Variants in KMT5C observed in about 807,000 individuals in gnomAD.
KMT5C encodes the protein histone-lysine N-methyltransferase KMT5C.
Under a neutral mutation model 38.2 loss-of-function variants are expected in KMT5C, and 16 were observed. The ratio of observed to expected loss-of-function variants is 0.42; its 90% CI spans 0.28 to 0.64. The LOEUF (loss-of-function observed/expected upper bound fraction) is 0.64, where lower values mean the gene tolerates loss of function less well. Ranked by LOEUF, KMT5C falls within the 30% of genes least tolerant of loss-of-function variation. KMT5C has a pLI of 0.23. For synonymous variants in KMT5C, 291 were observed against 279.0 expected (o/e 1.04, Z -0.43); for missense variants, 598 against 665.1 (o/e 0.90, Z 1.11).
At position 55,342,865 on chromosome 19, in the gene KMT5C, A is replaced by AGTCCTGCC; in HGVS notation, c.386+14_386+15insGTCCTGCC. 1 of 1,448,818 alleles carries AGTCCTGCC rather than the reference A, an allele frequency of 6.9e-7. No individual in the cohort carries two copies. Among genetic ancestry groups the AGTCCTGCC allele is most frequent in the South Asian group, 1.1e-5 (1 of 87,834 alleles). The allele number at this position is 1,448,818 out of a possible 1,614,324, so 89.7% of individuals were successfully genotyped here. A position where few individuals can be genotyped will look rare whatever the true frequency, so the allele number is the denominator to read the frequency against. On this transcript the variant is annotated intron_variant, in intron 4 of 8. Coordinates refer to ENST00000255613, the MANE Select transcript of KMT5C (RefSeq NM_032701.4). ...CACTCGTGCTTGGTAAGAGGGCAGG[A>AGTCCTGCC]CTCCCTGCAGGTATCCTTGGAGGAG...
At chr19:55,344,260 G>A (rs2089592214) in intron 6 of KMT5C, 1 of 353,100 alleles carries the variant, frequency 2.8e-6, no homozygotes, top group Middle Eastern at 9.0e-4. Flanking sequence ...TACTTGGGAG[G>A]CTGAGGCAGG....
At chr19:55,341,686 GA>G (rs2089558903) in intron 1 of KMT5C, 107 bp from the exon 2 acceptor site, 1 of 549,266 alleles carries the variant, frequency 1.8e-6, no homozygotes, top group Non-Finnish European at 3.3e-6. Flanking sequence ...GAGCTAAGGC[GA>G]TGGCTGACAT....
Position 55,347,334 on chromosome 19 carries a change from C to T in KMT5C, c.1274C>T (p.Pro425Leu). 6.3e-7 allele frequency: 1 copy of T among 1,576,150 alleles called. No homozygotes were observed. The highest frequency in any genetic ancestry group is 8.6e-7 in the Non-Finnish European group (1 of 1,164,728). Residue 425 changes from proline (P) to leucine (L), a missense_variant, in exon 9 of 9, where the codon CCC becomes CTC. Coordinates refer to ENST00000255613, the MANE Select transcript of KMT5C (RefSeq NM_032701.4). The surrounding 1 kb of genome is among the most constrained non-coding windows in gnomAD (Gnocchi z 4.6). ...CCAGCCCCTGCTGGGACCCCAGGCC[C>T]CATCCTGATCCCGAAGCAGGCCCTC... Reference protein sequence around the residue: ...ATPAPAGTPGPILIPKQALAF... With the variant: ...ATPAPAGTPGLILIPKQALAF...
At chr19:55,340,409 CCTT>C (rs1187586043) in intron 1 of KMT5C, among the ~76,000 whole-genome samples, 1 of 152,060 alleles carries the variant, frequency 6.6e-6, no homozygotes, top group East Asian at 1.9e-4. Context: ...CTCCAGGCCT[CCTT>C]CTGGACCCTC....
intron 6 of KMT5C, chr19:55,344,475 G>A (rs1364812582): frequency 2.8e-6 from 1 of 354,712 alleles, no homozygotes; most frequent in Non-Finnish European, 5.6e-6. Context: ...AGGAGGAAGG[G>A]GTTCCAGTTT....
At chr19:55,342,709 C>A in intron 3 of KMT5C, 33 bp from the exon 4 acceptor site, 1 of 1,221,158 alleles carries the variant, frequency 8.2e-7, no homozygotes, top group Non-Finnish European at 1.2e-6. Context: ...TGCCCCTGCC[C>A]CGCCTCCTCA....
intron 2 of KMT5C, 59 bp downstream of exon 2, chr19:55,342,105 G>A (rs1422473989): frequency 2.4e-5 from 38 of 1,571,204 alleles, no homozygotes; most frequent in Non-Finnish European, 3.0e-5. Flanking sequence ...CCCTTGCACC[G>A]CTGCCGCCCC....
intron 6 of KMT5C, among the ~76,000 whole-genome samples, chr19:55,345,880 G>A (rs2089610991): frequency 6.6e-6 from 1 of 152,202 alleles, no homozygotes; most frequent in African/African-American, 2.4e-5. Context: ...GGATGGGCTT[G>A]GGTGTGGCAG....
intron 6 of KMT5C, among the ~76,000 whole-genome samples, chr19:55,345,619 G>T (rs928009539): frequency 6.6e-6 from 1 of 152,186 alleles, no homozygotes; most frequent in African/African-American, 2.4e-5. Flanking sequence ...TGGGTAGATG[G>T]ACAGTTGGGT....
At position 55,343,949 on chromosome 19, in the gene KMT5C, C is replaced by T. The variant is rs769698486; in HGVS notation, c.551-29C>T. On this transcript the variant is annotated intron_variant, in intron 5 of 8. Transcript: ENST00000255613. This position sits in a 1 kb window ranked among gnomAD's most constrained non-coding sequence, Gnocchi z 5.5. ...TGAGCTGCCGAGCTCATCTACCTCT[C>T]TTCTCTCTCCTGCCCCAACTGGCTC... 7 of 1,611,314 alleles carry T rather than the reference C, an allele frequency of 4.3e-6. No individual in the cohort carries two copies. In the African/African-American group the frequency reaches 5.3e-5, roughly 12 times the overall value.
chr19:55,347,160 G>T lies in KMT5C; in HGVS notation c.1100G>T (p.Arg367Leu), dbSNP rs918165189. 1 of 1,536,484 alleles carries T rather than the reference G, an allele frequency of 6.5e-7. No individual in the cohort carries two copies. Among genetic ancestry groups the T allele is most frequent in the East Asian group, 2.4e-5 (1 of 40,990 alleles). Residue 367 changes from arginine to leucine, a missense_variant, in exon 9 of 9, where the codon CGC becomes CTC. By Grantham distance (102) the Arg-to-Leu change is moderately radical (BLOSUM62 -2). Around this residue, in one of 3 missense-constraint regions of KMT5C, gnomAD observed 326 missense variants for 298.1 expected, o/e 1.09. Coordinates refer to ENST00000255613, the MANE Select transcript of KMT5C (RefSeq NM_032701.4). The surrounding 1 kb of genome is among the most constrained non-coding windows in gnomAD (Gnocchi z 4.6). ...TGGGGAGGCTGTGGCCCCCACTGCC[G>T]CCTGCGAGGAGAGGCCCTGGTGGCC... Reference protein sequence around the residue: ...HRWGGCGPHCRLRGEALVALG... With the variant: ...HRWGGCGPHCLLRGEALVALG...
chr19:55,340,031 C>A (rs1165147655), intron 1 of KMT5C, 74 bp downstream of exon 1: 1 of 151,746 alleles, frequency 6.6e-6, no homozygotes, highest in Non-Finnish European at 1.5e-5. Context: ...GCTCCCCAGT[C>A]GCCCCCTGCC....
Position 55,343,167 on chromosome 19 carries a change from A to C in KMT5C, c.386+316A>C. On this transcript the variant is annotated intron_variant, in intron 4 of 8. Coordinates refer to ENST00000255613, the MANE Select transcript of KMT5C (RefSeq NM_032701.4). This position sits in a 1 kb window ranked among gnomAD's most constrained non-coding sequence, Gnocchi z 5.5. ...CACATGTTAAACACCCCTGAGTGCA[A>C]TGAGGAGCCCCTGCCCCTGCCCCTG... The C allele has an allele frequency of 8.8e-6, 1 of 113,510 alleles. No individual in the cohort carries two copies. The highest frequency in any genetic ancestry group is 1.2e-4 in the Admixed American group (1 of 8,160). The allele number at this position is 113,510 out of a possible 1,614,324, so 7.0% of individuals were successfully genotyped here. A position where few individuals can be genotyped will look rare whatever the true frequency, so the allele number is the denominator to read the frequency against.
At chr19:55,345,088 G>T (rs1028836142) in intron 6 of KMT5C, 1 of 456,048 alleles carries the variant, frequency 2.2e-6, no homozygotes, top group Non-Finnish European at 4.4e-6. Flanking sequence ...GAGAGGCTCT[G>T]CAGGGCCAGT....
At chr19:55,345,409 T>C (rs2089606370) in intron 6 of KMT5C, among the ~76,000 whole-genome samples, 1 of 151,844 alleles carries the variant, frequency 6.6e-6, no homozygotes, top group South Asian at 2.1e-4. Context: ...GCAGGAGGCT[T>C]GGCAGGAAGG....
At chr19:55,342,606 CTG>C (rs1161989991) in intron 3 of KMT5C, 134 bp from the exon 4 acceptor site, 7 of 650,900 alleles carry the variant, frequency 1.1e-5, no homozygotes, top group Non-Finnish European at 1.9e-5. Context: ...GATGAGGAAA[CTG>C]AGGCCCCGAG....
chr19:55,342,062 G>T lies in KMT5C; in HGVS notation c.110+16G>T. ...TGAACGTCAGGTGAGGTGGCCTGGG[G>T]GCGAGGGTGGGCCCGAGGGGTCAGG... On this transcript the variant is annotated intron_variant, in intron 2 of 8. Coordinates refer to ENST00000255613, the MANE Select transcript of KMT5C (RefSeq NM_032701.4). 6.2e-7 allele frequency: 1 copy of T among 1,603,334 alleles called. No homozygotes were observed. The highest frequency in any genetic ancestry group is 8.5e-7 in the Non-Finnish European group (1 of 1,170,766).
rs71181758 is a variant in KMT5C, at chr19:55,343,173, A to AGCCCCTGCCCCT, written c.386+331_386+342dup. ...TTAAACACCCCTGAGTGCAATGAGG[A>AGCCCCTGCCCCT]GCCCCTGCCCCTGCCCCTGCGGGGT... On this transcript the variant is annotated intron_variant, in intron 4 of 8. Transcript: ENST00000255613. The surrounding 1 kb of genome is among the most constrained non-coding windows in gnomAD (Gnocchi z 5.5). 0.79 allele frequency: 205,427 copies of AGCCCCTGCCCCT among 260,044 alleles called. 82,864 individuals carry two copies. The highest frequency in any genetic ancestry group is 0.84 in the Non-Finnish European group (114,711 of 135,978). The allele number at this position is 260,044 out of a possible 1,614,324, so 16.1% of individuals were successfully genotyped here.
chr19:55,345,847 C>T (rs149357871), intron 6 of KMT5C, among the ~76,000 whole-genome samples: 11 of 152,158 alleles, frequency 7.2e-5, no homozygotes, highest in African/African-American at 2.6e-4. Context: ...CACAGTCTGG[C>T]GGGGGGCAGG....
Sources: gnomAD v4.1 joint callset for allele counts (sites outside exome capture counted in the v4.1 genomes callset) on GRCh38, gnomAD v4.1.1 for gene constraint, gnomAD v4.1.1 regional missense constraint, Gnocchi (gnomAD v3.1) non-coding constraint, MANE v1.5 for transcripts, NCBI Gene and HGNC (gene_info 2026-07-23, HGNC 2026-07-21) for gene names.